C2CD5: variants seen among roughly 807,000 people sequenced by gnomAD.
C2CD5 encodes C2 domain-containing protein 5.
In C2CD5, 109 loss-of-function variants were observed where a neutral mutation model predicts 130.3. The observed-to-expected ratio is 0.84, with a 90% CI of 0.72 to 0.98. The LOEUF (loss-of-function observed/expected upper bound fraction) is 0.98, where lower values mean the gene tolerates loss of function less well. Among genes scored for constraint, C2CD5 ranks in the 50% least tolerant of loss-of-function variants. The pLI, the probability that C2CD5 is intolerant of heterozygous loss-of-function variation, is 0.00. For missense variants in C2CD5, 996 were observed against 1,261.8 expected (o/e 0.79, Z 3.19); for synonymous variants, 454 against 429.2 (o/e 1.06, Z -0.71).
intron 7 of C2CD5, 106 bp downstream of exon 7, chr12:22,523,320 C>T: frequency 1.3e-6 from 1 of 781,236 alleles, no homozygotes; most frequent in Admixed American, 3.1e-5. Context: ...AAAATCATCA[C>T]AGAGAAAATG....
At position 22,482,672 on chromosome 12, in the gene C2CD5, A is replaced by G. The variant is rs1364945374; in HGVS notation, c.1622T>C (p.Met541Thr). 1 of 1,613,380 alleles carries G rather than the reference A, an allele frequency of 6.2e-7. No individual in the cohort carries two copies. Among genetic ancestry groups the G allele is most frequent in the Admixed American group, 1.7e-5 (1 of 60,026 alleles). The change falls in exon 14 of 27, where the codon ATG becomes ACG. Residue 541 changes from methionine (M) to threonine (T), a missense_variant. Met to Thr is a moderately conservative substitution (Grantham distance 81). This residue lies in a region of C2CD5 where 590 missense variants were observed against 631.4 expected (regional missense o/e 0.93). Coordinates refer to ENST00000446597, the MANE Select transcript of C2CD5 (RefSeq NM_001286176.2). ...TAGCTGAGTATGCACTTCATATTCC[A>G]TAAATGGCAAGAGATTACTGATAGC... ...ATAISNLLPFMEYEVHTQLMN... is the reference protein window; with the variant it reads ...ATAISNLLPFTEYEVHTQLMN...
intron 15 of C2CD5, 84 bp downstream of exon 15, chr12:22,478,229 A>AG: frequency 8.9e-7 from 1 of 1,124,958 alleles, no homozygotes; most frequent in Non-Finnish European, 1.3e-6. Context: ...TGAAAAAAAA[A>AG]TCTTGTGTCC....
At position 22,450,174 on chromosome 12, in the gene C2CD5, A is replaced by T. The variant is rs530754396; in HGVS notation, c.3025-283T>A. ...CCACTTCATATATACTGGCAAAAAA[A>T]TGTAAAAGTTGGATGTTACCAAGTG... On this transcript the variant is annotated intron_variant, in intron 26 of 26. Coordinates refer to ENST00000446597, the MANE Select transcript of C2CD5 (RefSeq NM_001286176.2). Among the ~76,000 whole-genome samples, 9 of 152,296 alleles carry T rather than the reference A, an allele frequency of 5.9e-5. No individual in the cohort carries two copies. The East Asian group carries it at 1.7e-3, about 29-fold the overall frequency.
At chr12:22,471,353 TAAAAC>T (rs1324016106) in intron 20 of C2CD5, 41 bp downstream of exon 20, 2 of 1,027,790 alleles carry the variant, frequency 1.9e-6, no homozygotes, top group Admixed American at 1.9e-5. Context: ...ATGAAAATAA[TAAAAC>T]AGATCAGATA....
chr12:22,491,533 A>T (rs754512876), intron 11 of C2CD5, among the ~76,000 whole-genome samples: 1 of 152,154 alleles, frequency 6.6e-6, no homozygotes, highest in Non-Finnish European at 1.5e-5. Context: ...TTACATCATA[A>T]TTATCCAGTA....
At chr12:22,543,811 G>A (rs1952655692) in intron 2 of C2CD5, among the ~76,000 whole-genome samples, 1 of 152,178 alleles carries the variant, frequency 6.6e-6, no homozygotes, top group African/African-American at 2.4e-5. Context: ...CCTGACATCA[G>A]GGTCACCCCC....
At chr12:22,535,634 C>T (rs186830521) in intron 2 of C2CD5, among the ~76,000 whole-genome samples, 33 of 152,102 alleles carry the variant, frequency 2.2e-4, no homozygotes, top group African/African-American at 8.0e-4. Context: ...GATCAACAAC[C>T]CAATAGAAAA....
intron 12 of C2CD5, among the ~76,000 whole-genome samples, chr12:22,486,465 C>T (rs1159245957): frequency 6.6e-6 from 1 of 152,136 alleles, no homozygotes; most frequent in Non-Finnish European, 1.5e-5. Context: ...AAACCAACTT[C>T]TTATAAGCCA....
intron 19 of C2CD5, 61 bp from the exon 20 acceptor site, chr12:22,471,549 T>G (rs188073343): frequency 1.1e-6 from 1 of 920,538 alleles, no homozygotes; most frequent in African/African-American, 1.7e-5. Flanking sequence ...AAAAGCTGAT[T>G]TTTTTAATGT....
chr12:22,489,887 A>G (rs1042082623), intron 12 of C2CD5, among the ~76,000 whole-genome samples: 1 of 152,178 alleles, frequency 6.6e-6, no homozygotes, highest in Non-Finnish European at 1.5e-5. Flanking sequence ...TCAACTGGTA[A>G]TCATACATGT....
chr12:22,457,057 G>C lies in C2CD5; in HGVS notation c.2791C>G (p.Leu931Val), dbSNP rs777691857. The stretch of plus-strand genomic sequence containing the variant: ...ATTTTTGCTCCAGGAATAAAAGAAA[G>C]AGGTGTCATCTTAACAACCCCAACT... ...STVGVVKMTP[L>V]SFIPGAKITK... The change falls in exon 25 of 27, where the codon CTT becomes GTT. Residue 931 changes from leucine (L) to valine (V), a missense_variant. By Grantham distance (32) the Leu-to-Val change is conservative (BLOSUM62 1). Around this residue, in one of 9 missense-constraint regions of C2CD5, gnomAD observed 590 missense variants for 631.4 expected, o/e 0.93. Transcript: ENST00000446597. The C allele has an allele frequency of 1.2e-6, 2 of 1,611,026 alleles. No individual in the cohort carries two copies.
intron 3 of C2CD5, among the ~76,000 whole-genome samples, chr12:22,533,891 T>G (rs958206352): frequency 6.6e-6 from 1 of 152,176 alleles, no homozygotes; most frequent in Non-Finnish European, 1.5e-5. Flanking sequence ...TCTACATACA[T>G]GAATGAAGTT....
Position 22,527,691 on chromosome 12 carries a change from T to C in C2CD5, c.349+30A>G, listed in dbSNP as rs779708610. ...GACAAATAAAAAAGATTAAGATTGT[T>C]ATTTATAATACTTTCTTATTATTCC... is the stretch of plus-strand genomic sequence containing the variant. On this transcript the variant is annotated intron_variant, in intron 4 of 26. Transcript: ENST00000446597. 2.3e-5 allele frequency: 28 copies of C among 1,210,528 alleles called. 1 individual carries two copies. The South Asian group carries it at 4.2e-4, about 18-fold the overall frequency. The allele number at this position is 1,210,528 out of a possible 1,614,324, so 75.0% of individuals were successfully genotyped here.
At chr12:22,505,414 G>A (rs867946069) in intron 10 of C2CD5, among the ~76,000 whole-genome samples, 7 of 151,938 alleles carry the variant, frequency 4.6e-5, no homozygotes, top group Middle Eastern at 3.4e-3. Context: ...CTGCCACCAC[G>A]CTCAGCTGAT....
At position 22,482,621 on chromosome 12, in the gene C2CD5, A is replaced by T; in HGVS notation, c.1673T>A (p.Met558Lys). The T allele has an allele frequency of 6.2e-7, 1 of 1,613,826 alleles. No homozygotes were observed. Among genetic ancestry groups the T allele is most frequent in the Non-Finnish European group, 8.5e-7 (1 of 1,179,788 alleles). Residue 558 changes from methionine (M) to lysine (K), a missense_variant, in exon 14 of 27, where the codon ATG (methionine) becomes AAG (lysine). Coordinates refer to ENST00000446597, the MANE Select transcript of C2CD5 (RefSeq NM_001286176.2). ...QLMNKLKLKG[M>K]NALFGLRIQI... ...AATTCTTAGTCCAAACAAAGCATTC[A>T]TTCCTTTGAGTTTTAGTTTATTCAT...
At chr12:22,471,917 AT>A in intron 19 of C2CD5, 49 bp downstream of exon 19, 1 of 1,019,920 alleles carries the variant, frequency 9.8e-7, no homozygotes, top group Non-Finnish European at 1.6e-6. Flanking sequence ...GACACTTAAA[AT>A]TTCATTATTA....
intron 4 of C2CD5, among the ~76,000 whole-genome samples, chr12:22,525,916 A>T (rs1565793081): frequency 6.6e-6 from 1 of 152,198 alleles, no homozygotes; most frequent in East Asian, 1.9e-4. Context: ...TTATTTAAAA[A>T]ATAGTCTTTG....
At chr12:22,455,704 G>A (rs1292725242) in intron 25 of C2CD5, among the ~76,000 whole-genome samples, 1 of 152,028 alleles carries the variant, frequency 6.6e-6, no homozygotes, top group Non-Finnish European at 1.5e-5. Context: ...TTGGGGGGAA[G>A]GATAGAGTCT....
chr12:22,528,850 T>C (rs1179704287), intron 3 of C2CD5, among the ~76,000 whole-genome samples: 2 of 152,180 alleles, frequency 1.3e-5, no homozygotes, highest in Admixed American at 1.3e-4. Context: ...TGCCTTTCCC[T>C]ATCCCCTATT....
Sources: allele counts gnomAD v4.1 joint callset (sites outside exome capture counted in the v4.1 genomes callset), GRCh38; gene constraint gnomAD v4.1.1; regional missense constraint gnomAD v4.1.1; transcripts MANE v1.5; gene names NCBI Gene and HGNC (gene_info 2026-07-23, HGNC 2026-07-21).